The following NBAS variants were observed in gnomAD, a reference collection of about 807,000 sequenced individuals.
NBAS encodes NAG/BC035112 fusion.
NBAS carries 219 observed loss-of-function variants against 302.5 expected under a neutral mutation model. The ratio of observed to expected loss-of-function variants is 0.72; its 90% CI spans 0.65 to 0.81. The LOEUF (loss-of-function observed/expected upper bound fraction) is 0.81. Among genes scored for constraint, NBAS ranks in the 30% least tolerant of loss-of-function variants. NBAS has a pLI of 0.00. For synonymous variants in NBAS, 1,118 were observed against 1,021.6 expected (o/e 1.09, Z -1.80); for missense variants, 2,932 against 2,841.6 (o/e 1.03, Z -0.72).
At chr2:15,549,117 A>G (rs1176639960) in intron 6 of NBAS, among the ~76,000 whole-genome samples, 1 of 152,224 alleles carries the variant, frequency 6.6e-6, no homozygotes, top group Non-Finnish European at 1.5e-5. Flanking sequence ...AGAGTTTTAC[A>G]TACATTAATT....
the NBAS span, among the ~76,000 whole-genome samples, chr2:15,033,826 T>C: frequency 6.6e-6 from 1 of 151,866 alleles, no homozygotes; most frequent in Non-Finnish European, 1.5e-5. Context: ...CTCACTCCTG[T>C]AGTTCCAGCT....
chr2:15,426,881 C>T (rs760152761), intron 22 of NBAS, among the ~76,000 whole-genome samples: 19 of 152,000 alleles, frequency 1.3e-4, no homozygotes, highest in Admixed American at 9.2e-4. Context: ...CTTTTGAGGG[C>T]CATATCTCAG....
the NBAS span, among the ~76,000 whole-genome samples, chr2:14,993,202 C>A: frequency 6.6e-6 from 1 of 152,186 alleles, no homozygotes; most frequent in Non-Finnish European, 1.5e-5. Flanking sequence ...ACCCTCCATG[C>A]TCCCCATTTT....
At chr2:15,243,746 T>C (rs550687401) in intron 44 of NBAS, among the ~76,000 whole-genome samples, 224 of 152,238 alleles carry the variant, frequency 1.5e-3, no homozygotes, top group Non-Finnish European at 2.6e-3. Flanking sequence ...GGGTATTACA[T>C]GAAGTACTGT....
At chr2:15,183,374 A>C (rs1664920685) in intron 50 of NBAS, among the ~76,000 whole-genome samples, 2 of 152,256 alleles carry the variant, frequency 1.3e-5, no homozygotes, top group African/African-American at 4.8e-5. Flanking sequence ...CGGTGACAAC[A>C]GAACTCTTTG....
chr2:14,958,026 C>A, the NBAS span, among the ~76,000 whole-genome samples: 1 of 152,206 alleles, frequency 6.6e-6, no homozygotes, highest in African/African-American at 2.4e-5. Context: ...TGCATCTATT[C>A]TCTGGCCCTC....
At chr2:15,031,580 G>A in the NBAS span, among the ~76,000 whole-genome samples, 4 of 152,198 alleles carry the variant, frequency 2.6e-5, no homozygotes, top group African/African-American at 4.8e-5. Context: ...AACAGATGTG[G>A]AGAGGCAGTT....
At chr2:14,896,608 G>A in the NBAS span, among the ~76,000 whole-genome samples, 1 of 151,822 alleles carries the variant, frequency 6.6e-6, no homozygotes, top group South Asian at 2.1e-4. Flanking sequence ...GAGATTTTGT[G>A]TTGTAATCAT....
At chr2:14,849,976 A>T in the NBAS span, among the ~76,000 whole-genome samples, 1 of 139,648 alleles carries the variant, frequency 7.2e-6, no homozygotes, top group Non-Finnish European at 1.5e-5. Context: ...CTGCAAAATC[A>T]TGCCAAAATG....
At chr2:15,433,006 G>A (rs1399488159) in intron 21 of NBAS, among the ~76,000 whole-genome samples, 2 of 152,176 alleles carry the variant, frequency 1.3e-5, no homozygotes, top group Non-Finnish European at 2.9e-5. Context: ...AGAGAGACAA[G>A]AGTGAAAACA....
intron 21 of NBAS, among the ~76,000 whole-genome samples, chr2:15,434,577 A>C (rs1366386490): frequency 6.6e-6 from 1 of 152,238 alleles, no homozygotes; most frequent in African/African-American, 2.4e-5. Context: ...ATTTGGTGTT[A>C]TATACGTAAA....
the NBAS span, among the ~76,000 whole-genome samples, chr2:15,137,390 G>C: frequency 6.6e-6 from 1 of 152,150 alleles, no homozygotes; most frequent in African/African-American, 2.4e-5. Flanking sequence ...GAAAACTGCT[G>C]TGAGTAAGAA....
At chr2:15,150,239 T>A in the NBAS span, among the ~76,000 whole-genome samples, 9 of 152,294 alleles carry the variant, frequency 5.9e-5, no homozygotes, top group Admixed American at 2.0e-4. Flanking sequence ...AGAAACCTGA[T>A]CATACCTTTG....
In NBAS at chr2:15,186,811, T is replaced by G. The variant is rs753664412; in HGVS notation, c.6642A>C (p.Glu2214Asp). Residue 2214 changes from glutamate (E) to aspartate (D), a missense_variant, in exon 50 of 52, where the codon GAA (glutamate) becomes GAC (aspartate). Transcript: ENST00000281513. ...MLTRCTMENK[E>D]GLGNEVLKMC... ...TTTTCAAAACTTCATTCCCCAATCC[T>G]TCCTTGTTCTCCATCGTACATCTGG... is the stretch of plus-strand genomic sequence containing the variant. The G allele has an allele frequency of 1.2e-6, 2 of 1,613,806 alleles. No homozygotes were observed. Among genetic ancestry groups the G allele is most frequent in the Non-Finnish European group, 1.7e-6 (2 of 1,179,970 alleles).
the NBAS span, among the ~76,000 whole-genome samples, chr2:14,867,258 A>G: frequency 6.6e-6 from 1 of 152,188 alleles, no homozygotes; most frequent in South Asian, 2.1e-4. Flanking sequence ...AATAGAAAGC[A>G]ACACAAAACA....
chr2:15,062,360 A>ATG, the NBAS span, among the ~76,000 whole-genome samples: 3 of 152,202 alleles, frequency 2.0e-5, no homozygotes, highest in South Asian at 6.2e-4. Flanking sequence ...GAGCGATGAG[A>ATG]TGCATGCCTG....
chr2:15,504,508 C>T (rs6751048), intron 10 of NBAS, among the ~76,000 whole-genome samples: 6,392 of 152,142 alleles, frequency 0.042, 431 homozygotes, highest in African/African-American at 0.14. Flanking sequence ...TCAAGTAAGG[C>T]TGCCCAAGGT....
At chr2:14,910,075 G>A in the NBAS span, among the ~76,000 whole-genome samples, 2 of 152,178 alleles carry the variant, frequency 1.3e-5, no homozygotes, top group Non-Finnish European at 2.9e-5. Flanking sequence ...GTTTAGCGGG[G>A]AGAGTTCTAG....
the NBAS span, among the ~76,000 whole-genome samples, chr2:14,937,903 G>A: frequency 6.6e-6 from 1 of 152,126 alleles, no homozygotes; most frequent in Admixed American, 6.5e-5. Flanking sequence ...GGGCAAGGCA[G>A]GGAGACCATG....
Sources: allele counts gnomAD v4.1 joint callset (sites outside exome capture counted in the v4.1 genomes callset), GRCh38; gene constraint gnomAD v4.1.1; transcripts MANE v1.5; gene names NCBI Gene and HGNC (gene_info 2026-07-23, HGNC 2026-07-21).